The following PPME1 variants were observed in gnomAD, a reference collection of about 807,000 sequenced individuals.
The protein encoded by PPME1 is testicular secretory protein Li 39.
Under a neutral mutation model 56.9 loss-of-function variants are expected in PPME1, and 17 were observed. The observed-to-expected ratio is 0.30, with a 90% CI of 0.20 to 0.45. The LOEUF (loss-of-function observed/expected upper bound fraction) is 0.45, where lower values mean the gene tolerates loss of function less well. PPME1 is among the 20% of genes least tolerant of loss of function. PPME1 has a pLI of 1.00. For synonymous variants in PPME1, 122 were observed against 156.2 expected (o/e 0.78, Z 1.63); for missense variants, 357 against 483.2 (o/e 0.74, Z 2.45).
intron 1 of PPME1, among the ~76,000 whole-genome samples, chr11:74,193,352 T>C (rs1857893531): frequency 6.6e-6 from 1 of 152,230 alleles, no homozygotes; most frequent in Non-Finnish European, 1.5e-5. Context: ...ATTAAAAACA[T>C]TGTTTAAAAT....
Position 74,247,128 on chromosome 11 carries a change from G to T in PPME1, c.1009+5G>T. The stretch of plus-strand genomic sequence containing the variant: ...TGACCATTGGCCAGATGCAAGGTAA[G>T]TTATCAAGAAATTATACCCCTGGAC... On this transcript the variant is annotated splice_donor_5th_base_variant and intron_variant, in intron 11 of 13. Coordinates refer to ENST00000328257, the MANE Select transcript of PPME1 (RefSeq NM_016147.3). 1 of 1,608,856 alleles carries T rather than the reference G, an allele frequency of 6.2e-7. No individual in the cohort carries two copies. Among genetic ancestry groups the T allele is most frequent in the Non-Finnish European group, 8.5e-7 (1 of 1,175,726 alleles).
At chr11:74,243,072 G>T (rs1322112898) in intron 9 of PPME1, among the ~76,000 whole-genome samples, 1 of 152,036 alleles carries the variant, frequency 6.6e-6, no homozygotes, top group Non-Finnish European at 1.5e-5. Context: ...GGATGCCCTT[G>T]TGTGGAGAAC....
chr11:74,218,453 A>T (rs1468878284), intron 3 of PPME1, among the ~76,000 whole-genome samples: 1 of 152,210 alleles, frequency 6.6e-6, no homozygotes, highest in African/African-American at 2.4e-5. Context: ...AGCTATCCTG[A>T]TAGAAAAGAA....
chr11:74,175,757 C>T (rs960463763), intron 1 of PPME1, among the ~76,000 whole-genome samples: 14 of 151,984 alleles, frequency 9.2e-5, no homozygotes, highest in Admixed American at 7.9e-4. Context: ...TATAGTAGTC[C>T]CTTTTTATAT....
At chr11:74,190,728 A>G (rs959436369) in intron 1 of PPME1, among the ~76,000 whole-genome samples, 2 of 152,222 alleles carry the variant, frequency 1.3e-5, no homozygotes, top group Non-Finnish European at 2.9e-5. Context: ...TCAGAAGAAG[A>G]CAGGAAGATG....
chr11:74,181,561 T>TA (rs1424041881), intron 1 of PPME1, among the ~76,000 whole-genome samples: 1 of 152,244 alleles, frequency 6.6e-6, no homozygotes, highest in Non-Finnish European at 1.5e-5. Context: ...CTCAATAACA[T>TA]TTAGAACTCC....
At chr11:74,211,058 G>A (rs1369175097) in intron 3 of PPME1, among the ~76,000 whole-genome samples, 2 of 152,150 alleles carry the variant, frequency 1.3e-5, no homozygotes, top group African/African-American at 4.8e-5. Context: ...GCACTTTGCA[G>A]ATCTGGAAAT....
intron 3 of PPME1, among the ~76,000 whole-genome samples, chr11:74,217,440 G>A (rs1276838627): frequency 2.0e-5 from 3 of 151,248 alleles, no homozygotes. Flanking sequence ...TACTCAAGAG[G>A]CAGAGGTGGG....
intron 11 of PPME1, chr11:74,249,161 T>A (rs967966522): frequency 6.6e-6 from 1 of 152,192 alleles, no homozygotes; most frequent in African/African-American, 2.4e-5. Flanking sequence ...AAGCCTCCTA[T>A]GAGTATAGAG....
At chr11:74,231,050 G>A (rs760946898) in intron 7 of PPME1, 48 bp downstream of exon 7, 56 of 1,444,860 alleles carry the variant, frequency 3.9e-5, no homozygotes, top group Non-Finnish European at 5.3e-5. Context: ...TTGTTTGTTT[G>A]TTTGCTTGCT....
At chr11:74,184,338 C>T (rs1248909972) in intron 1 of PPME1, among the ~76,000 whole-genome samples, 1 of 152,064 alleles carries the variant, frequency 6.6e-6, no homozygotes. Flanking sequence ...GGCATTTTAG[C>T]ATATTATGGA....
chr11:74,233,178 G>T (rs1404844900), intron 7 of PPME1, among the ~76,000 whole-genome samples: 3 of 152,036 alleles, frequency 2.0e-5, no homozygotes, highest in Non-Finnish European at 4.4e-5. Context: ...GAAGCCAGGG[G>T]ATATACCTAA....
chr11:74,225,491 T>G (rs1283121291), intron 5 of PPME1, among the ~76,000 whole-genome samples: 1 of 152,208 alleles, frequency 6.6e-6, no homozygotes, highest in African/African-American at 2.4e-5. Context: ...ACATGAAAAT[T>G]CTTCAAGGCA....
At chr11:74,236,187 A>G (rs1397665551) in intron 8 of PPME1, among the ~76,000 whole-genome samples, 1 of 150,908 alleles carries the variant, frequency 6.6e-6, no homozygotes, top group Non-Finnish European at 1.5e-5. Flanking sequence ...TTTCCTCCTC[A>G]TTTAATACTG....
At chr11:74,247,030 A>G (rs2135679082) in intron 10 of PPME1, 49 bp from the exon 11 acceptor site, 1 of 1,483,354 alleles carries the variant, frequency 6.7e-7, no homozygotes, top group Non-Finnish European at 9.3e-7. Context: ...TTTTTACTTA[A>G]TACGTGAACA....
At chr11:74,182,770 A>G (rs1203465249) in intron 1 of PPME1, among the ~76,000 whole-genome samples, 1 of 152,218 alleles carries the variant, frequency 6.6e-6, no homozygotes, top group Non-Finnish European at 1.5e-5. Flanking sequence ...GTAAAACTGG[A>G]CTGCTCTTTT....
intron 13 of PPME1, 133 bp downstream of exon 13, chr11:74,251,848 G>A: frequency 9.1e-7 from 1 of 1,100,636 alleles, no homozygotes; most frequent in East Asian, 2.4e-5. Flanking sequence ...CTCCTCCTCA[G>A]TGAAGAGCCT....
chr11:74,233,638 C>A (rs573377123), intron 7 of PPME1, among the ~76,000 whole-genome samples: 1 of 152,158 alleles, frequency 6.6e-6, no homozygotes, highest in Non-Finnish European at 1.5e-5. Context: ...CATAGCGAGA[C>A]CCTGTCTCTA....
chr11:74,195,578 G>A (rs1296097586), intron 1 of PPME1, among the ~76,000 whole-genome samples: 1 of 152,104 alleles, frequency 6.6e-6, no homozygotes, highest in Non-Finnish European at 1.5e-5. Context: ...ATTCTTATAT[G>A]TGTGTTTTGA....
Sources: allele counts gnomAD v4.1 joint callset (sites outside exome capture counted in the v4.1 genomes callset), GRCh38; gene constraint gnomAD v4.1.1; transcripts MANE v1.5; gene names NCBI Gene and HGNC (gene_info 2026-07-23, HGNC 2026-07-21).